The following DOCK1 variants were observed in gnomAD, a reference collection of about 807,000 sequenced individuals.
DOCK1 encodes dedicator of cytokinesis 1.
DOCK1 carries 138 observed loss-of-function variants against 262.7 expected under a neutral mutation model. That is an observed-to-expected ratio of 0.53 (90% CI 0.46 to 0.61). The LOEUF is 0.61. Among genes scored for constraint, DOCK1 ranks in the 20% least tolerant of loss-of-function variants. The pLI, the probability that DOCK1 is intolerant of heterozygous loss-of-function variation, is 0.00. For synonymous variants in DOCK1, 866 were observed against 867.4 expected (o/e 1.00, Z 0.03); for missense variants, 1,908 against 2,370.7 (o/e 0.80, Z 4.05).
At position 126,960,396 on chromosome 10, in the gene DOCK1, A is replaced by G. The variant is rs918085251; in HGVS notation, c.47-10306A>G. The stretch of plus-strand genomic sequence containing the variant: ...GAGAAGCCTTTATTGGGCACCTGCT[A>G]TGTGACAGGCACGGACAGCAGTGAG... On this transcript the variant is annotated intron_variant, in intron 1 of 51. Transcript: ENST00000623213. Among the ~76,000 whole-genome samples, 12 of 151,796 alleles carry G rather than the reference A, an allele frequency of 7.9e-5. No homozygotes were observed. The East Asian group carries it at 1.6e-3, about 20-fold the overall frequency.
chr10:127,219,996 A>G (rs2058365085), intron 27 of DOCK1, among the ~76,000 whole-genome samples: 1 of 152,118 alleles, frequency 6.6e-6, no homozygotes, highest in Admixed American at 6.5e-5. Flanking sequence ...TTATCTTTAC[A>G]TTTCTGTATC....
chr10:127,436,766 T>C, intron 48 of DOCK1, among the ~76,000 whole-genome samples: 1 of 152,194 alleles, frequency 6.6e-6, no homozygotes, highest in Non-Finnish European at 1.5e-5. Flanking sequence ...TATAGTAATA[T>C]AGTTTATTTC....
intron 1 of DOCK1, among the ~76,000 whole-genome samples, chr10:126,966,882 A>G (rs1326150373): frequency 6.6e-6 from 1 of 152,140 alleles, no homozygotes; most frequent in Non-Finnish European, 1.5e-5. Flanking sequence ...TTAACATCTC[A>G]CACAATGTGT....
chr10:126,905,447 T>C lies in DOCK1; in HGVS notation c.-71T>C. The C allele has an allele frequency of 2.2e-6, 1 of 464,946 alleles. No individual in the cohort carries two copies. Among genetic ancestry groups the C allele is most frequent in the Non-Finnish European group, 4.0e-6 (1 of 252,030 alleles). The allele number at this position is 464,946 out of a possible 1,614,324, so 28.8% of individuals were successfully genotyped here. On this transcript the variant is annotated 5_prime_UTR_variant, in exon 1 of 52. Transcript: ENST00000623213. ...TTTTTCCTCCCCATCCTGTCGCGGCTCGAAAGGAATGGAAAATGGCGGCCT... is the reference window on the plus strand; with the variant it reads ...TTTTTCCTCCCCATCCTGTCGCGGCCCGAAAGGAATGGAAAATGGCGGCCT...
chr10:126,981,827 C>T (rs2039000602), intron 3 of DOCK1, 91 bp from the exon 4 acceptor site: 21 of 1,324,682 alleles, frequency 1.6e-5, no homozygotes, highest in Non-Finnish European at 1.9e-5. Context: ...TCTAGCCACC[C>T]CTCACCCCAC....
intron 23 of DOCK1, among the ~76,000 whole-genome samples, chr10:127,084,805 T>C (rs2047103591): frequency 1.3e-5 from 2 of 151,896 alleles, no homozygotes; most frequent in African/African-American, 2.4e-5. Context: ...AGGGTGGGGA[T>C]TGGTTGATGG....
At chr10:127,429,074 C>A (rs1210202628) in intron 47 of DOCK1, among the ~76,000 whole-genome samples, 3 of 144,016 alleles carry the variant, frequency 2.1e-5, no homozygotes, top group African/African-American at 7.8e-5. Flanking sequence ...GATTGGGGTA[C>A]CATGTGGATT....
intron 2 of DOCK1, among the ~76,000 whole-genome samples, chr10:126,975,648 G>A (rs1329136846): frequency 4.9e-5 from 7 of 142,702 alleles, no homozygotes; most frequent in Admixed American, 2.8e-4. Context: ...TTTTTGAGAT[G>A]GAGTCTTGCT....
chr10:127,114,887 G>C (rs904370905), intron 25 of DOCK1, among the ~76,000 whole-genome samples: 1 of 151,886 alleles, frequency 6.6e-6, no homozygotes, highest in Middle Eastern at 3.4e-3. Context: ...CTCCTGAGTA[G>C]CTGGTACTAC....
intron 12 of DOCK1, among the ~76,000 whole-genome samples, chr10:127,017,583 A>G (rs9418780): frequency 0.4 from 61,271 of 151,798 alleles, 12,628 homozygotes; most frequent in African/African-American, 0.48. Context: ...ATACACAGAC[A>G]CACAGTGACT....
At chr10:127,338,139 G>T (rs1315933943) in intron 29 of DOCK1, among the ~76,000 whole-genome samples, 1 of 152,140 alleles carries the variant, frequency 6.6e-6, no homozygotes, top group Non-Finnish European at 1.5e-5. Flanking sequence ...AGAGAAAGTG[G>T]AATTAGGTTT....
Position 126,924,394 on chromosome 10 carries a change from AGGCTGTG to A in DOCK1, c.46+18832_46+18838del, listed in dbSNP as rs1277932686. On this transcript the variant is annotated intron_variant, in intron 1 of 51. Coordinates refer to ENST00000623213, the MANE Select transcript of DOCK1 (RefSeq NM_001290223.2). The stretch of plus-strand genomic sequence containing the variant: ...GTGAGTGCTGGAACTCAGTAGGGGG[AGGCTGTG>A]AGTGCTGGAACTCAGTAGGGGGAGG... 6.6e-3 allele frequency among the ~76,000 whole-genome samples: 629 copies of A among 95,206 alleles called. 12 individuals carry two copies. The highest frequency in any genetic ancestry group is 0.025 in the African/African-American group (582 of 23,602). 62.5% of individuals were successfully genotyped at this position (95,206 alleles called of 152,430 possible).
Position 127,444,203 on chromosome 10 carries a change from C to T in DOCK1, c.5337C>T (p.Ser1779=). 1.2e-6 allele frequency: 2 copies of T among 1,609,928 alleles called. No individual in the cohort carries two copies. Among genetic ancestry groups the T allele is most frequent in the Non-Finnish European group, 1.7e-6 (2 of 1,178,650 alleles). ...GAAGCGAAAGGCGCTTCTCGGTGTC[C>T]CCCTCGTCACCGTCCTCCCAGCAAA... The part of the protein sequence containing the change: ...VIGSERRFSV[S]PSSPSSQQTP... Residue 1779 remains serine, a synonymous_variant, in exon 50 of 52, where the codon TCC becomes TCT. Coordinates refer to ENST00000623213, the MANE Select transcript of DOCK1 (RefSeq NM_001290223.2).
At chr10:127,112,391 C>T (rs543147564) in intron 25 of DOCK1, among the ~76,000 whole-genome samples, 2 of 152,068 alleles carry the variant, frequency 1.3e-5, no homozygotes, top group Middle Eastern at 3.2e-3. Context: ...TGTTTATATT[C>T]GATGATTTTG....
intron 29 of DOCK1, among the ~76,000 whole-genome samples, chr10:127,277,172 T>C (rs952794412): frequency 3.3e-5 from 5 of 152,208 alleles, no homozygotes; most frequent in African/African-American, 1.2e-4. Flanking sequence ...TCAAATGGCC[T>C]TTTGACTTTA....
chr10:127,219,847 G>T (rs543623432), intron 27 of DOCK1, among the ~76,000 whole-genome samples: 1 of 151,982 alleles, frequency 6.6e-6, no homozygotes, highest in Non-Finnish European at 1.5e-5. Flanking sequence ...ATCCTGTTTG[G>T]TGACACCCAC....
chr10:127,175,093 A>C lies in DOCK1; in HGVS notation c.2847+47329A>C. 1 of 874,668 alleles carries C rather than the reference A, an allele frequency of 1.1e-6. No individual in the cohort carries two copies. The highest frequency in any genetic ancestry group is 1.8e-6 in the Non-Finnish European group (1 of 548,358). The allele number at this position is 874,668 out of a possible 1,614,324, so 54.2% of individuals were successfully genotyped here. A position where few individuals can be genotyped will look rare whatever the true frequency, so the allele number is the denominator to read the frequency against. On this transcript the variant is annotated intron_variant, in intron 27 of 51. Transcript: ENST00000623213. This position sits in a 1 kb window ranked among gnomAD's most constrained non-coding sequence, Gnocchi z 6.3. Reference sequence around the variant, plus strand: ...TTGGAGCTCGCCACGCCCTTAGACTATGACCTGTTTACGGAAATGCTGGCT... The same window carrying C: ...TTGGAGCTCGCCACGCCCTTAGACTCTGACCTGTTTACGGAAATGCTGGCT...
chr10:126,907,219 G>A (rs939337953), intron 1 of DOCK1, among the ~76,000 whole-genome samples: 1 of 152,152 alleles, frequency 6.6e-6, no homozygotes, highest in Non-Finnish European at 1.5e-5. Flanking sequence ...AGAGGAGAGA[G>A]CTGAGGACTG....
intron 1 of DOCK1, among the ~76,000 whole-genome samples, chr10:126,926,814 G>A (rs1017593581): frequency 2.6e-5 from 4 of 152,054 alleles, no homozygotes; most frequent in Non-Finnish European, 4.4e-5. Flanking sequence ...GAGGCAAGGA[G>A]GAAGTCTCCC....
Sources: allele counts gnomAD v4.1 joint callset (sites outside exome capture counted in the v4.1 genomes callset), GRCh38; gene constraint gnomAD v4.1.1; non-coding constraint Gnocchi (gnomAD v3.1); transcripts MANE v1.5; gene names NCBI Gene and HGNC (gene_info 2026-07-23, HGNC 2026-07-21).